The following CHD9 variants were observed in gnomAD, a reference collection of about 807,000 sequenced individuals.
The protein encoded by CHD9 is ATP-dependent chromatin remodeler CHD9.
In CHD9, 77 loss-of-function variants were observed where a neutral mutation model predicts 316.1. That is an observed-to-expected ratio of 0.24 (90% CI 0.20 to 0.29). The LOEUF is 0.29. Ranked by LOEUF, CHD9 falls within the 10% of genes least tolerant of loss-of-function variation. The probability of loss-of-function intolerance (pLI) is 1.00; values close to 1 mark genes in which losing one functional copy is unlikely to be tolerated. For missense variants in CHD9, 2,763 were observed against 3,438.1 expected, an observed-to-expected ratio of 0.80 and a Z score of 4.91; for synonymous variants, 1,129 against 1,158.3, an observed-to-expected ratio of 0.97 and a Z score of 0.51.
At chr16:53,115,293 T>A (rs905308118) in intron 1 of CHD9, among the ~76,000 whole-genome samples, 2 of 152,218 alleles carry the variant, frequency 1.3e-5, no homozygotes, top group Non-Finnish European at 2.9e-5. Context: ...CAGTTCTGTG[T>A]CACTCAGAGC....
Position 53,227,447 on chromosome 16 carries a change from A to G in CHD9, c.2095A>G (p.Arg699Gly). ...AAIVDKILSS[R>G]TVKKEISPGV... ...AATTGTAGACAAAATTCTATCTTCT[A>G]GAACCGTAAAAAAGGAAGTAAGTAC... The change falls in exon 6 of 39, where the codon AGA becomes GGA. Residue 699 changes from arginine to glycine, a missense_variant. Physicochemically the swap from Arg to Gly is moderately radical, Grantham distance 125 (BLOSUM62 -2). Transcript: ENST00000447540. 6.4e-7 allele frequency: 1 copy of G among 1,566,902 alleles called. No homozygotes were observed. The highest frequency in any genetic ancestry group is 1.2e-5 in the South Asian group (1 of 84,118).
chr16:53,319,372 G>A (rs117284662), intron 37 of CHD9, among the ~76,000 whole-genome samples: 204 of 152,220 alleles, frequency 1.3e-3, no homozygotes, highest in Non-Finnish European at 2.4e-3. Context: ...AAGAAATATT[G>A]GAATTAGAAG....
intron 2 of CHD9, among the ~76,000 whole-genome samples, chr16:53,191,035 C>A (rs2044437519): frequency 6.6e-6 from 1 of 151,992 alleles, no homozygotes; most frequent in Non-Finnish European, 1.5e-5. Flanking sequence ...GTAATCATTA[C>A]CGCAATTAAG....
intron 10 of CHD9, among the ~76,000 whole-genome samples, chr16:53,233,002 G>T (rs889577609): frequency 3.9e-5 from 6 of 152,072 alleles, no homozygotes; most frequent in Non-Finnish European, 8.8e-5. Context: ...AAAATATGTG[G>T]GGAATTCTTC....
At chr16:53,146,796 CAAAA>C (rs59556450) in intron 1 of CHD9, among the ~76,000 whole-genome samples, 2 of 120,732 alleles carry the variant, frequency 1.7e-5, no homozygotes, top group African/African-American at 3.0e-5. Flanking sequence ...GAGACGGTCT[CAAAA>C]AAAAAAAAAA....
intron 1 of CHD9, among the ~76,000 whole-genome samples, chr16:53,088,286 T>A (rs1046629873): frequency 6.8e-6 from 1 of 147,914 alleles, no homozygotes; most frequent in Non-Finnish European, 1.5e-5. Flanking sequence ...TTTGTTTTTT[T>A]TTTTTTTTTG....
At chr16:53,173,444 T>G (rs1291000018) in intron 2 of CHD9, among the ~76,000 whole-genome samples, 1 of 152,200 alleles carries the variant, frequency 6.6e-6, no homozygotes, top group Non-Finnish European at 1.5e-5. Flanking sequence ...TTTACCAGTT[T>G]TATGGAATTT....
chr16:53,059,780 C>G (rs1414321230), intron 1 of CHD9, among the ~76,000 whole-genome samples: 1 of 152,226 alleles, frequency 6.6e-6, no homozygotes, highest in Non-Finnish European at 1.5e-5. Context: ...TCAGTTGCAA[C>G]TGCAGTAAAT....
At chr16:53,079,796 G>A (rs963980308) in intron 1 of CHD9, among the ~76,000 whole-genome samples, 1 of 152,198 alleles carries the variant, frequency 6.6e-6, no homozygotes, top group African/African-American at 2.4e-5. Flanking sequence ...GGAAGAACTA[G>A]GAAGGTGGTG....
chr16:53,253,902 C>A (rs191467135), intron 17 of CHD9, among the ~76,000 whole-genome samples: 1 of 152,136 alleles, frequency 6.6e-6, no homozygotes, highest in African/African-American at 2.4e-5. Flanking sequence ...TAAGGCAAGG[C>A]GCAGTGGCTC....
chr16:53,176,185 G>T (rs1348184263), intron 2 of CHD9, among the ~76,000 whole-genome samples: 1 of 152,194 alleles, frequency 6.6e-6, no homozygotes, highest in Non-Finnish European at 1.5e-5. Context: ...AGCTCTAGGG[G>T]ATGATCAATT....
At position 53,158,732 on chromosome 16, in the gene CHD9, G is replaced by A. The variant is rs565440285; in HGVS notation, c.1452+1191G>A. On this transcript the variant is annotated intron_variant, in intron 2 of 38. Coordinates refer to ENST00000447540, the MANE Select transcript of CHD9 (RefSeq NM_001308319.2). ...GCTCACTGCAGCCTCAACCTCCCTG[G>A]GCTCAGGTGATCCTCCTGCCTCAGC... Among the ~76,000 whole-genome samples the A allele has an allele frequency of 1.3e-4, 20 of 151,950 alleles. 1 individual carries two copies. Among genetic ancestry groups the A allele is most frequent in the South Asian group, 1.2e-3 (6 of 4,814 alleles).
chr16:53,294,095 G>A (rs1407431957), intron 29 of CHD9, among the ~76,000 whole-genome samples: 2 of 152,112 alleles, frequency 1.3e-5, no homozygotes, highest in Non-Finnish European at 2.9e-5. Context: ...ACAAATCCTT[G>A]GAACTACTGA....
intron 1 of CHD9, among the ~76,000 whole-genome samples, chr16:53,093,685 A>G (rs1016047272): frequency 6.6e-6 from 1 of 152,224 alleles, no homozygotes. Flanking sequence ...CAAAGGCGGT[A>G]TGATTGTCCG....
In CHD9 at chr16:53,314,989, A is replaced by G. The variant is rs764354155; in HGVS notation, c.7529A>G (p.Glu2510Gly). 6.2e-7 allele frequency: 1 copy of G among 1,613,696 alleles called. No individual in the cohort carries two copies. Among genetic ancestry groups the G allele is most frequent in the South Asian group, 1.1e-5 (1 of 91,080 alleles). The change falls in exon 36 of 39, where the codon GAA becomes GGA. Residue 2510 changes from glutamate (E) to glycine (G), a missense_variant. Physicochemically the swap from Glu to Gly is moderately conservative, Grantham distance 98. Around this residue, in one of 15 missense-constraint regions of CHD9, gnomAD observed 663 missense variants for 751.2 expected, o/e 0.88. Transcript: ENST00000447540. ...GATGCACCAAAGAGAAAGGATTTGG[A>G]AAAATGGCTTAAGGAGCACCCGGGT... is the stretch of plus-strand genomic sequence containing the variant. ...GDDAPKRKDL[E>G]KWLKEHPGYV...
chr16:53,311,080 G>A (rs1322361033), intron 34 of CHD9: 1 of 151,196 alleles, frequency 6.6e-6, no homozygotes, highest in African/African-American at 2.4e-5. Flanking sequence ...CAGGTACTTG[G>A]GAAGCTAAGG....
At chr16:53,219,547 T>C (rs539946048) in intron 3 of CHD9, among the ~76,000 whole-genome samples, 10 of 152,174 alleles carry the variant, frequency 6.6e-5, no homozygotes, top group African/African-American at 2.4e-4. Flanking sequence ...TAAAAGCAAG[T>C]TTAGTGAGAA....
At chr16:53,303,380 C>T (rs536119424) in intron 30 of CHD9, among the ~76,000 whole-genome samples, 3 of 152,098 alleles carry the variant, frequency 2.0e-5, no homozygotes, top group African/African-American at 7.2e-5. Context: ...TTAAATGCAT[C>T]GCTCATAGGG....
intron 1 of CHD9, among the ~76,000 whole-genome samples, chr16:53,083,766 A>G (rs2035230298): frequency 6.6e-6 from 1 of 151,676 alleles, no homozygotes; most frequent in Non-Finnish European, 1.5e-5. Context: ...TTTTAACAAA[A>G]TAAAACCTGT....
Sources: allele counts gnomAD v4.1 joint callset (sites outside exome capture counted in the v4.1 genomes callset), GRCh38; gene constraint gnomAD v4.1.1; regional missense constraint gnomAD v4.1.1; transcripts MANE v1.5; gene names NCBI Gene and HGNC (gene_info 2026-07-23, HGNC 2026-07-21).